The following COL4A1 variants were observed in gnomAD, a reference collection of about 807,000 sequenced individuals.
COL4A1 encodes collagen type IV alpha 1 chain, also known as collagen alpha-1(IV) chain.
In COL4A1, 40 loss-of-function variants were observed where a neutral mutation model predicts 216.6. The observed-to-expected ratio is 0.18, with a 90% CI of 0.14 to 0.24. The LOEUF is 0.24. Among genes scored for constraint, COL4A1 ranks in the 10% least tolerant of loss-of-function variants. COL4A1 has a pLI of 1.00. For synonymous variants in COL4A1, 839 were observed against 810.7 expected, an observed-to-expected ratio of 1.03 and a Z score of -0.59; for missense variants, 1,628 against 2,196.8, an observed-to-expected ratio of 0.74 and a Z score of 5.18.
rs925527846 is a variant in COL4A1, at chr13:110,166,162, T to A, written c.4021+70A>T. The A allele has an allele frequency of 2.5e-5, 23 of 916,404 alleles. No individual in the cohort carries two copies. The South Asian group carries it at 3.0e-4, about 12-fold the overall frequency. 56.8% of individuals were successfully genotyped at this position (916,404 alleles called of 1,614,324 possible). A position where few individuals can be genotyped will look rare whatever the true frequency, so the allele number is the denominator to read the frequency against. On this transcript the variant is annotated intron_variant, in intron 45 of 51. Transcript: ENST00000375820. ...TATGAAAAACCAAACACCCCAATTC[T>A]GTGCATTCCTGGCTTTTACATTTTC...
At chr13:110,283,033 G>T (rs1376263811) in intron 1 of COL4A1, among the ~76,000 whole-genome samples, 1 of 152,090 alleles carries the variant, frequency 6.6e-6, no homozygotes, top group African/African-American at 2.4e-5. Flanking sequence ...AAAGGCTTCA[G>T]TTAGTTTTAA....
intron 1 of COL4A1, among the ~76,000 whole-genome samples, chr13:110,253,679 AT>A (rs1882355349): frequency 7.5e-6 from 1 of 133,426 alleles, no homozygotes; most frequent in African/African-American, 2.7e-5. Flanking sequence ...GTATGTATGT[AT>A]TACATATACA....
chr13:110,198,518 G>A lies in COL4A1; in HGVS notation c.1234C>T (p.Leu412Phe), dbSNP rs1436415574. The A allele has an allele frequency of 1.2e-6, 2 of 1,613,874 alleles. No homozygotes were observed. Among genetic ancestry groups the A allele is most frequent in the Non-Finnish European group, 1.7e-6 (2 of 1,179,982 alleles). Residue 412 changes from leucine to phenylalanine, a missense_variant, in exon 21 of 52, where the codon CTC becomes TTC. Physicochemically the swap from Leu to Phe is conservative, Grantham distance 22. Coordinates refer to ENST00000375820, the MANE Select transcript of COL4A1 (RefSeq NM_001845.6). ...SLPGPSGRDG[L>F]PGPPGSPGPP... ...CCAGGGGAACCAGGAGGACCCGGGA[G>A]CCCATCTCTTCCACTTGGTCCTGGC...
chr13:110,161,003 C>T, intron 49 of COL4A1, 189 bp downstream of exon 49: 1 of 707,640 alleles, frequency 1.4e-6, no homozygotes, highest in Non-Finnish European at 2.4e-6. Context: ...GCCACTGTGC[C>T]CAGCCAACTG....
At position 110,307,150 on chromosome 13, in the gene COL4A1, G is replaced by T. The variant is rs1032193782; in HGVS notation, c.-123C>A. The T allele has an allele frequency of 1.3e-6, 1 of 747,832 alleles. No individual in the cohort carries two copies. 46.3% of individuals were successfully genotyped at this position (747,832 alleles called of 1,614,324 possible). A position where few individuals can be genotyped will look rare whatever the true frequency, so the allele number is the denominator to read the frequency against. On this transcript the variant is annotated 5_prime_UTR_variant, in exon 1 of 52. Transcript: ENST00000375820. The surrounding 1 kb of genome is among the most constrained non-coding windows in gnomAD (Gnocchi z 5.0). The stretch of plus-strand genomic sequence containing the variant: ...CGTCCCGGGTGCGGCGGCTCCAAGC[G>T]GAGACCTGAGCGCGGCGGGCCGAGC...
At chr13:110,163,033 T>C (rs932687680) in intron 47 of COL4A1, among the ~76,000 whole-genome samples, 1 of 152,244 alleles carries the variant, frequency 6.6e-6, no homozygotes, top group African/African-American at 2.4e-5. Context: ...GGCCTCAGCC[T>C]TTTGCATCAT....
At position 110,259,937 on chromosome 13, in the gene COL4A1, C is replaced by T. The variant is rs191364467; in HGVS notation, c.85-17203G>A. Among the ~76,000 whole-genome samples, 52 of 152,260 alleles carry T rather than the reference C, an allele frequency of 3.4e-4. 1 individual carries two copies. Among genetic ancestry groups the T allele is most frequent in the Admixed American group, 1.0e-3 (16 of 15,294 alleles). ...CTTCCCAGACGCTCTTCCTTCTTTA[C>T]GTAATGGATGTAAAGCTGCATCCCC... On this transcript the variant is annotated intron_variant, in intron 1 of 51. Coordinates refer to ENST00000375820, the MANE Select transcript of COL4A1 (RefSeq NM_001845.6).
At chr13:110,168,084 AT>A (rs532274378) in intron 43 of COL4A1, among the ~76,000 whole-genome samples, 61 of 152,084 alleles carry the variant, frequency 4.0e-4, no homozygotes, top group African/African-American at 1.3e-3. Flanking sequence ...CAGTGGCACC[AT>A]CTCGGCTCAC....
At chr13:110,169,416 T>C (rs2139153993) in intron 43 of COL4A1, among the ~76,000 whole-genome samples, 1 of 152,022 alleles carries the variant, frequency 6.6e-6, no homozygotes, top group Non-Finnish European at 1.5e-5. Context: ...TTACAATAGT[T>C]TCCTACTCTG....
intron 19 of COL4A1, 144 bp downstream of exon 19, chr13:110,201,294 G>A (rs1594575318): frequency 1.7e-6 from 1 of 594,238 alleles, no homozygotes. Context: ...GGAAGAGAAG[G>A]AGGGGGCGGA....
chr13:110,160,712 C>T (rs1225440521), intron 49 of COL4A1, among the ~76,000 whole-genome samples: 1 of 152,142 alleles, frequency 6.6e-6, no homozygotes, highest in Non-Finnish European at 1.5e-5. Flanking sequence ...GAATAGCTGA[C>T]TCTTTTTTCT....
At chr13:110,296,492 A>G (rs539819436) in intron 1 of COL4A1, among the ~76,000 whole-genome samples, 1 of 152,362 alleles carries the variant, frequency 6.6e-6, no homozygotes, top group South Asian at 2.1e-4. Flanking sequence ...GTAAAAGCTA[A>G]CATTTTATGA....
intron 2 of COL4A1, among the ~76,000 whole-genome samples, chr13:110,232,802 C>T (rs1001798761): frequency 5.9e-5 from 9 of 151,978 alleles, no homozygotes; most frequent in Non-Finnish European, 1.2e-4. Flanking sequence ...AGAATCGGCT[C>T]CCTATTTTTA....
intron 8 of COL4A1, 136 bp from the exon 9 acceptor site, chr13:110,210,348 G>A: frequency 2.5e-6 from 2 of 805,270 alleles, no homozygotes; most frequent in South Asian, 3.0e-5. Context: ...CGTCTACACT[G>A]GAAATCAATA....
chr13:110,186,475 G>C lies in COL4A1; in HGVS notation c.1807C>G (p.Pro603Ala). ...FPGSRGDTGP[P>A]GPPGYGPAGP... Reference sequence around the variant, plus strand: ...GCAGGACCATATCCTGGAGGCCCAGGGGGGCCGGTGTCACCACGACTGCCT... The same window carrying C: ...GCAGGACCATATCCTGGAGGCCCAGCGGGGCCGGTGTCACCACGACTGCCT... Residue 603 changes from proline to alanine, a missense_variant, in exon 26 of 52, where the codon CCT (proline) becomes GCT (alanine). Around this residue, in one of 8 missense-constraint regions of COL4A1, gnomAD observed 701 missense variants for 892.5 expected, o/e 0.79. Transcript: ENST00000375820. The C allele has an allele frequency of 6.2e-7, 1 of 1,613,854 alleles. No homozygotes were observed. Among genetic ancestry groups the C allele is most frequent in the East Asian group, 2.2e-5 (1 of 44,870 alleles).
At chr13:110,222,444 A>G (rs1236232168) in intron 2 of COL4A1, among the ~76,000 whole-genome samples, 2 of 152,020 alleles carry the variant, frequency 1.3e-5, no homozygotes, top group Non-Finnish European at 2.9e-5. Flanking sequence ...TTTTCCCCCA[A>G]ATAAACTAAA....
chr13:110,169,564 C>G lies in COL4A1; in HGVS notation c.3876+65G>C. 3 of 1,607,494 alleles carry G rather than the reference C, an allele frequency of 1.9e-6. No homozygotes were observed. In the South Asian group the frequency reaches 3.3e-5, roughly 18 times the overall value. On this transcript the variant is annotated intron_variant, in intron 43 of 51. Coordinates refer to ENST00000375820, the MANE Select transcript of COL4A1 (RefSeq NM_001845.6). ...CACAAAATACATACACACATAGACA[C>G]ATATGAATACTTCTGGCCAGAAAAG...
At chr13:110,206,572 G>T in intron 15 of COL4A1, 93 bp downstream of exon 15, 1 of 1,393,010 alleles carries the variant, frequency 7.2e-7, no homozygotes, top group Non-Finnish European at 1.0e-6. Context: ...AAGTCCCTAC[G>T]AGCCTTTTCT....
rs1252996898 is a variant in COL4A1, at chr13:110,268,945, C to T, written c.85-26211G>A. On this transcript the variant is annotated intron_variant, in intron 1 of 51. Coordinates refer to ENST00000375820, the MANE Select transcript of COL4A1 (RefSeq NM_001845.6). This position sits in a 1 kb window ranked among gnomAD's most constrained non-coding sequence, Gnocchi z 4.1. ...TCCAGAGCCCAGCAGAGGAGGCCAA[C>T]GTGCAAAAGCCGAACCTCCGCGCAC... Among the ~76,000 whole-genome samples, 4 of 152,136 alleles carry T rather than the reference C, an allele frequency of 2.6e-5. No individual in the cohort carries two copies. Among genetic ancestry groups the T allele is most frequent in the Non-Finnish European group, 5.9e-5 (4 of 68,040 alleles).
Sources: allele counts gnomAD v4.1 joint callset (sites outside exome capture counted in the v4.1 genomes callset), GRCh38; gene constraint gnomAD v4.1.1; regional missense constraint gnomAD v4.1.1; non-coding constraint Gnocchi (gnomAD v3.1); transcripts MANE v1.5; gene names NCBI Gene and HGNC (gene_info 2026-07-23, HGNC 2026-07-21).